RPS23: variants seen among roughly 807,000 people sequenced by gnomAD.
RPS23 encodes the protein ribosomal protein S23.
For missense variants in RPS23, 73 were observed against 174.5 expected (o/e 0.42, Z 3.28); for synonymous variants, 66 against 60.4 (o/e 1.09, Z -0.43).
In RPS23 at chr5:82,276,038, A is replaced by C; in HGVS notation, c.*71T>G. The C allele has an allele frequency of 7.1e-7, 1 of 1,412,456 alleles. No homozygotes were observed. Among genetic ancestry groups the C allele is most frequent in the East Asian group, 2.3e-5 (1 of 43,848 alleles). 87.5% of individuals were successfully genotyped at this position (1,412,456 alleles called of 1,614,324 possible). A position where few individuals can be genotyped will look rare whatever the true frequency, so the allele number is the denominator to read the frequency against. ...TGAACATGATCTTCGTGGTGAGAAC[A>C]GGGGACAGTAAGATACAAACATTTT... On this transcript the variant is annotated 3_prime_UTR_variant, in exon 4 of 4. Coordinates refer to ENST00000296674, the MANE Select transcript of RPS23 (RefSeq NM_001025.5).
chr5:82,273,903 T>C lies in RPS23; in HGVS notation c.*2206A>G, dbSNP rs1410047419. Reference sequence around the variant, plus strand: ...GAGAGAAAAAGTTTTTTAATTTTAATGAAATCCACCAATTTATCTATTTTT... The same window carrying C: ...GAGAGAAAAAGTTTTTTAATTTTAACGAAATCCACCAATTTATCTATTTTT... On this transcript the variant is annotated 3_prime_UTR_variant, in exon 4 of 4. Transcript: ENST00000296674. 1 of 152,200 alleles carries C rather than the reference T, an allele frequency of 6.6e-6. No homozygotes were observed. Among genetic ancestry groups the C allele is most frequent in the Non-Finnish European group, 1.5e-5 (1 of 68,022 alleles). 9.4% of individuals were successfully genotyped at this position (152,200 alleles called of 1,614,324 possible).
In RPS23 at chr5:82,275,428, T is replaced by C; in HGVS notation, c.*681A>G. On this transcript the variant is annotated 3_prime_UTR_variant, in exon 4 of 4. Coordinates refer to ENST00000296674, the MANE Select transcript of RPS23 (RefSeq NM_001025.5). ...ACTAGTCTTTGAAGACATGAAGGTC[T>C]CTGACAACCTCATGAGAAGATACTG... The C allele has an allele frequency of 1.6e-6, 1 of 631,840 alleles. No individual in the cohort carries two copies. Among genetic ancestry groups the C allele is most frequent in the East Asian group, 2.9e-5 (1 of 34,836 alleles). The allele number at this position is 631,840 out of a possible 1,614,324, so 39.1% of individuals were successfully genotyped here. A position where few individuals can be genotyped will look rare whatever the true frequency, so the allele number is the denominator to read the frequency against.
In RPS23 at chr5:82,275,033, T is replaced by C; in HGVS notation, c.*1076A>G. The C allele has an allele frequency of 1.8e-6, 1 of 568,264 alleles. No homozygotes were observed. Among genetic ancestry groups the C allele is most frequent in the East Asian group, 2.9e-5 (1 of 34,694 alleles). 35.2% of individuals were successfully genotyped at this position (568,264 alleles called of 1,614,324 possible). A position where few individuals can be genotyped will look rare whatever the true frequency, so the allele number is the denominator to read the frequency against. ...GAGCACAAAGTGCCAAGGAGAGAAA[T>C]GGCAGGCTAAGGCTGGAATATGCAG... On this transcript the variant is annotated 3_prime_UTR_variant, in exon 4 of 4. Coordinates refer to ENST00000296674, the MANE Select transcript of RPS23 (RefSeq NM_001025.5).
chr5:82,278,177 C>A, intron 1 of RPS23, 143 bp downstream of exon 1: 1 of 842,174 alleles, frequency 1.2e-6, no homozygotes, highest in Non-Finnish European at 1.9e-6. Context: ...GGACCACGTG[C>A]CTCCTGGAGC....
rs559641678 is a variant in RPS23, at chr5:82,275,979, G to T, written c.*130C>A. On this transcript the variant is annotated 3_prime_UTR_variant, in exon 4 of 4. Transcript: ENST00000296674. ...TACAGGTCCTGCGTTTGCTGGTTTA[G>T]GATAAAAAAAATAAGGGGGGGTGGT... 2 of 855,252 alleles carry T rather than the reference G, an allele frequency of 2.3e-6. No homozygotes were observed. Among genetic ancestry groups the T allele is most frequent in the East Asian group, 2.5e-5 (1 of 39,916 alleles). The allele number at this position is 855,252 out of a possible 1,614,324, so 53.0% of individuals were successfully genotyped here.
chr5:82,278,226 G>T, intron 1 of RPS23, 94 bp downstream of exon 1: 3 of 1,233,518 alleles, frequency 2.4e-6, no homozygotes, highest in Non-Finnish European at 3.5e-6. Flanking sequence ...CCTCTCCATG[G>T]CATCCCCCGC....
Position 82,275,517 on chromosome 5 carries a change from G to A in RPS23, c.*592C>T. 1.7e-6 allele frequency: 1 copy of A among 588,624 alleles called. No homozygotes were observed. Among genetic ancestry groups the A allele is most frequent in the South Asian group, 2.1e-5 (1 of 48,640 alleles). 36.5% of individuals were successfully genotyped at this position (588,624 alleles called of 1,614,324 possible). A position where few individuals can be genotyped will look rare whatever the true frequency, so the allele number is the denominator to read the frequency against. ...TGGCATATACTTCCATCAACTAAAT[G>A]ATCCAATGCCTGTATTCTCCTAAAC... is the stretch of plus-strand genomic sequence containing the variant. On this transcript the variant is annotated 3_prime_UTR_variant, in exon 4 of 4. Transcript: ENST00000296674.
At chr5:82,277,962 G>C (rs75048482) in intron 1 of RPS23, 110 bp from the exon 2 acceptor site, 1 of 1,019,276 alleles carries the variant, frequency 9.8e-7, no homozygotes, top group Admixed American at 2.6e-5. Flanking sequence ...ATTGGCTCTC[G>C]TACTATTTAT....
chr5:82,276,205 A>C lies in RPS23; in HGVS notation c.336T>G (p.Val112=). 6.2e-7 allele frequency: 1 copy of C among 1,613,022 alleles called. No individual in the cohort carries two copies. The highest frequency in any genetic ancestry group is 8.5e-7 in the Non-Finnish European group (1 of 1,179,718). Residue 112 remains valine (V), a synonymous_variant, in exon 4 of 4, where the codon GTT becomes GTG. Coordinates refer to ENST00000296674, the MANE Select transcript of RPS23 (RefSeq NM_001025.5). The part of the protein sequence containing the change: ...VAGFGRKGHA[V]GDIPGVRFKV... ...TAAAGCGGACTCCAGGAATATCACC[A>C]ACAGCATGACCTTTGCGACCAAATC...
At position 82,275,215 on chromosome 5, in the gene RPS23, T is replaced by G. The variant is rs1189730315; in HGVS notation, c.*894A>C. 2.8e-6 allele frequency: 2 copies of G among 702,632 alleles called. No homozygotes were observed. Among genetic ancestry groups the G allele is most frequent in the Admixed American group, 4.0e-5 (2 of 50,022 alleles). 43.5% of individuals were successfully genotyped at this position (702,632 alleles called of 1,614,324 possible). ...CTAATTAACCCATACTTACTATTTG[T>G]TAACAGGAGTTTCTTACATCAGATT... On this transcript the variant is annotated 3_prime_UTR_variant, in exon 4 of 4. Coordinates refer to ENST00000296674, the MANE Select transcript of RPS23 (RefSeq NM_001025.5).
At position 82,276,022 on chromosome 5, in the gene RPS23, T is replaced by C; in HGVS notation, c.*87A>G. ...GGGGTGGTGGTGGTAATGAACATGA[T>C]CTTCGTGGTGAGAACAGGGGACAGT... On this transcript the variant is annotated 3_prime_UTR_variant, in exon 4 of 4. Coordinates refer to ENST00000296674, the MANE Select transcript of RPS23 (RefSeq NM_001025.5). 7.8e-7 allele frequency: 1 copy of C among 1,281,770 alleles called. No individual in the cohort carries two copies. The allele number at this position is 1,281,770 out of a possible 1,614,324, so 79.4% of individuals were successfully genotyped here.
At chr5:82,277,376 A>G (rs1747884813) in intron 2 of RPS23, 1 of 368,620 alleles carries the variant, frequency 2.7e-6, no homozygotes, top group Non-Finnish European at 5.0e-6. Context: ...TCAAGTCGAT[A>G]AAGTTCAATA....
At position 82,275,337 on chromosome 5, in the gene RPS23, A is replaced by C; in HGVS notation, c.*772T>G. On this transcript the variant is annotated 3_prime_UTR_variant, in exon 4 of 4. Coordinates refer to ENST00000296674, the MANE Select transcript of RPS23 (RefSeq NM_001025.5). ...TGGACAGCAAAATCCACATGTACTC[A>C]ATACCTAGCTTAAATTATCAAAACA... The C allele has an allele frequency of 1.4e-6, 1 of 702,512 alleles. No homozygotes were observed. Among genetic ancestry groups the C allele is most frequent in the Non-Finnish European group, 2.6e-6 (1 of 384,964 alleles). 43.5% of individuals were successfully genotyped at this position (702,512 alleles called of 1,614,324 possible). A position where few individuals can be genotyped will look rare whatever the true frequency, so the allele number is the denominator to read the frequency against.
At chr5:82,278,225 GGCATCCCCCGCCCTACTCTATTC>G (rs1748004004) in intron 1 of RPS23, 72 bp downstream of exon 1, 1 of 893,448 alleles carries the variant, frequency 1.1e-6, no homozygotes, top group Non-Finnish European at 1.7e-6. Flanking sequence ...GCCTCTCCAT[GGCATCCCCCGCCCTACTCTATTC>G]GCATCCGCCC....
intron 1 of RPS23, 39 bp downstream of exon 1, chr5:82,278,281 C>T (rs1748013820): frequency 6.2e-7 from 1 of 1,600,070 alleles, no homozygotes; most frequent in African/African-American, 1.3e-5. Context: ...GACCCCAAGT[C>T]CCGCTTGCAG....
Position 82,274,940 on chromosome 5 carries a change from G to C in RPS23, c.*1169C>G, listed in dbSNP as rs148986333. 1 of 426,612 alleles carries C rather than the reference G, an allele frequency of 2.3e-6. No individual in the cohort carries two copies. The highest frequency in any genetic ancestry group is 3.8e-5 in the Admixed American group (1 of 26,578). The allele number at this position is 426,612 out of a possible 1,614,324, so 26.4% of individuals were successfully genotyped here. ...GACATGCAAGGAACCATAGTAACAGGAACAGAGGTCCTGAGGCTGGATATG... is the reference window on the plus strand; with the variant it reads ...GACATGCAAGGAACCATAGTAACAGCAACAGAGGTCCTGAGGCTGGATATG... On this transcript the variant is annotated 3_prime_UTR_variant, in exon 4 of 4. Transcript: ENST00000296674.
At chr5:82,276,845 C>CAAA (rs374894611) in intron 2 of RPS23, 9,187 of 134,074 alleles carry the variant, frequency 0.069, 843 homozygotes, top group African/African-American at 0.21. Flanking sequence ...GACCCTATCT[C>CAAA]AAAAAAAAAA....
intron 3 of RPS23, 33 bp from the exon 4 acceptor site, chr5:82,276,288 T>C (rs2112047810): frequency 6.2e-7 from 1 of 1,613,208 alleles, no homozygotes; most frequent in Non-Finnish European, 8.5e-7. Context: ...TTTCTGGTGT[T>C]GGTGGCGATC....
At chr5:82,276,620 T>C (rs1367504439) in intron 2 of RPS23, 102 bp from the exon 3 acceptor site, 3 of 1,455,546 alleles carry the variant, frequency 2.1e-6, no homozygotes, top group African/African-American at 2.8e-5. Flanking sequence ...ATCTTTTCAA[T>C]CTAACCTCAA....
Sources: gnomAD v4.1 joint callset for allele counts on GRCh38, gnomAD v4.1.1 for gene constraint, MANE v1.5 for transcripts, NCBI Gene and HGNC (gene_info 2026-07-23, HGNC 2026-07-21) for gene names.